The following BRD8 variants were observed in gnomAD, a reference collection of about 807,000 sequenced individuals.
The protein encoded by BRD8 is bromodomain-containing protein 8.
A neutral mutation model predicts 143.1 loss-of-function variants in BRD8; 67 were observed. The observed-to-expected ratio is 0.47, with a 90% CI of 0.38 to 0.57. BRD8 has a LOEUF of 0.57. BRD8 is among the 20% of genes least tolerant of loss of function. The pLI, the probability that BRD8 is intolerant of heterozygous loss-of-function variation, is 0.00. For synonymous variants in BRD8, 505 were observed against 517.1 expected, an observed-to-expected ratio of 0.98 and a Z score of 0.32; for missense variants, 1,103 against 1,503.0, an observed-to-expected ratio of 0.73 and a Z score of 4.40.
chr5:138,166,687 T>C lies in BRD8; in HGVS notation c.828A>G (p.Thr276=), dbSNP rs960275426. The C allele has an allele frequency of 6.2e-7, 1 of 1,613,822 alleles. No homozygotes were observed. Residue 276 remains threonine (T), a synonymous_variant, in exon 10 of 27, where the codon ACA becomes ACG. Transcript: ENST00000254900. ...TLSRLLEAGP[T]QFTTPLASFT... is the part of the protein sequence containing the mutation. Reference sequence around the variant, plus strand: ...AGGAAGCAAGAGGTGTGGTGAACTGTGTAGGACCAGCTTCTAAAAGCCGGG... The same window carrying C: ...AGGAAGCAAGAGGTGTGGTGAACTGCGTAGGACCAGCTTCTAAAAGCCGGG...
At chr5:138,152,428 T>C in intron 21 of BRD8, 54 bp downstream of exon 21, 3 of 1,594,036 alleles carry the variant, frequency 1.9e-6, no homozygotes, top group Non-Finnish European at 1.7e-6. Flanking sequence ...AGGATAAGCA[T>C]TCTCTTAGAA....
chr5:138,172,027 A>G, intron 3 of BRD8, 38 bp downstream of exon 3: 1 of 1,560,198 alleles, frequency 6.4e-7, no homozygotes, highest in Non-Finnish European at 8.8e-7. Context: ...TTTACAACCC[A>G]AAGACTGCTC....
chr5:138,159,657 C>T (rs911486197), intron 19 of BRD8, 58 bp from the exon 20 acceptor site: 2 of 1,545,252 alleles, frequency 1.3e-6, no homozygotes. Context: ...GCCACAAGCA[C>T]CCCAAACCTC....
In BRD8 at chr5:138,166,093, T is replaced by C. The variant is rs1226545320; in HGVS notation, c.1013A>G (p.Asn338Ser). The C allele has an allele frequency of 1.2e-6, 2 of 1,612,490 alleles. No individual in the cohort carries two copies. The highest frequency in any genetic ancestry group is 1.3e-5 in the African/African-American group (1 of 74,906). Reference protein sequence around the residue: ...ESVAPVSQPDNCVPMEAVGDP... With the variant: ...ESVAPVSQPDSCVPMEAVGDP... ...CCCCACAGCCTCCATGGGAACACAGTTGTCGGGTTGACTCACTGAGTAACA... is the reference window on the plus strand; with the variant it reads ...CCCCACAGCCTCCATGGGAACACAGCTGTCGGGTTGACTCACTGAGTAACA... The change falls in exon 11 of 27, where the codon AAC becomes AGC. Residue 338 changes from asparagine (N) to serine (S), a missense_variant. Transcript: ENST00000254900.
chr5:138,172,802 C>T, intron 2 of BRD8: 1 of 419,530 alleles, frequency 2.4e-6, no homozygotes, highest in Non-Finnish European at 4.7e-6. Context: ...TGCAGTGAGC[C>T]CAAATCGCGC....
Position 138,165,825 on chromosome 5 carries a change from T to C in BRD8, c.1278+3A>G. The C allele has an allele frequency of 6.2e-7, 1 of 1,612,174 alleles. No homozygotes were observed. Among genetic ancestry groups the C allele is most frequent in the East Asian group, 2.2e-5 (1 of 44,830 alleles). ...ATTCTCTGGGGCTTCGCTGAATAGTTACCTTGTCCTCAATGATGGCAATGA... is the reference window on the plus strand; with the variant it reads ...ATTCTCTGGGGCTTCGCTGAATAGTCACCTTGTCCTCAATGATGGCAATGA... On this transcript the variant is annotated splice_donor_region_variant and intron_variant, in intron 11 of 26. Coordinates refer to ENST00000254900, the MANE Select transcript of BRD8 (RefSeq NM_139199.2).
Position 138,149,805 on chromosome 5 carries a change from T to A in BRD8, c.3121-8A>T, listed in dbSNP as rs774597154. 1.9e-6 allele frequency: 3 copies of A among 1,591,908 alleles called. No homozygotes were observed. The highest frequency in any genetic ancestry group is 2.6e-6 in the Non-Finnish European group (3 of 1,173,368). On this transcript the variant is annotated splice_polypyrimidine_tract_variant and splice_region_variant and intron_variant, in intron 22 of 26. Transcript: ENST00000254900. ...TTCTTGCTGAGCCTCCCCCTAGGAATGCCAGGAAACAGGAAACTTTAGAAG... is the reference window on the plus strand; with the variant it reads ...TTCTTGCTGAGCCTCCCCCTAGGAAAGCCAGGAAACAGGAAACTTTAGAAG...
chr5:138,177,761 A>G, intron 1 of BRD8, 94 bp from the exon 2 acceptor site: 1 of 691,720 alleles, frequency 1.4e-6, no homozygotes, highest in Non-Finnish European at 2.5e-6. Flanking sequence ...CTAAAAGCCT[A>G]ATACAAAACA....
At chr5:138,161,094 A>G (rs1226013836) in intron 17 of BRD8, 26 bp from the exon 18 acceptor site, 10 of 1,581,884 alleles carry the variant, frequency 6.3e-6, no homozygotes, top group Non-Finnish European at 8.6e-6. Context: ...AGGGGTAAGT[A>G]GCAGTGGGGA....
At chr5:138,166,790 C>CTTCT in intron 9 of BRD8, 63 bp from the exon 10 acceptor site, 2 of 986,876 alleles carry the variant, frequency 2.0e-6, no homozygotes, top group Non-Finnish European at 3.2e-6. Context: ...GAAGCAATAG[C>CTTCT]TACTTGAAGA....
intron 25 of BRD8, among the ~76,000 whole-genome samples, chr5:138,144,448 C>T (rs936481726): frequency 3.9e-5 from 6 of 152,208 alleles, no homozygotes; most frequent in Non-Finnish European, 8.8e-5. Flanking sequence ...GGAACCAATT[C>T]CGGACACAAT....
intron 12 of BRD8, 113 bp from the exon 13 acceptor site, chr5:138,164,526 G>A (rs984429371): frequency 1.9e-5 from 23 of 1,194,402 alleles, no homozygotes; most frequent in Non-Finnish European, 2.3e-5. Flanking sequence ...TCCTACTCAT[G>A]TAATGTGACT....
intron 20 of BRD8, chr5:138,156,824 A>G: frequency 1.0e-6 from 1 of 962,662 alleles, no homozygotes; most frequent in Non-Finnish European, 1.2e-6. Context: ...CAAGTTTCAA[A>G]TACACACACA....
rs963005246 is a variant in BRD8, at chr5:138,145,768, A to G, written c.3368+21T>C. On this transcript the variant is annotated intron_variant, in intron 24 of 26. Coordinates refer to ENST00000254900, the MANE Select transcript of BRD8 (RefSeq NM_139199.2). Reference sequence around the variant, plus strand: ...CTGCTTCAGCTCTGAACATAATCCTATTACCACTTTGGAGACCTACCTGTG... The same window carrying G: ...CTGCTTCAGCTCTGAACATAATCCTGTTACCACTTTGGAGACCTACCTGTG... 1.1e-5 allele frequency: 17 copies of G among 1,598,002 alleles called. No homozygotes were observed. In the African/African-American group the frequency reaches 1.1e-4, roughly 10 times the overall value.
intron 20 of BRD8, among the ~76,000 whole-genome samples, chr5:138,156,589 T>A (rs1487498275): frequency 6.6e-6 from 1 of 152,156 alleles, no homozygotes; most frequent in African/African-American, 2.4e-5. Context: ...TGCTCTAATC[T>A]TCTTTAAGCA....
At position 138,155,450 on chromosome 5, in the gene BRD8, T is replaced by TA. The variant is rs1174770111; in HGVS notation, c.2578-2691dup. On this transcript the variant is annotated intron_variant, in intron 20 of 26. Transcript: ENST00000254900. ...GGCAACGAGAGTGAAACTCCGAATT[T>TA]AAAAAAAAAAAAAAAGTTTAGTTGG... Among the ~76,000 whole-genome samples, 832 of 131,536 alleles carry TA rather than the reference T, an allele frequency of 6.3e-3. 9 individuals carry two copies. Among genetic ancestry groups the TA allele is most frequent in the Middle Eastern group, 0.027 (7 of 260 alleles). 86.3% of individuals were successfully genotyped at this position (131,536 alleles called of 152,430 possible). A position where few individuals can be genotyped will look rare whatever the true frequency, so the allele number is the denominator to read the frequency against.
chr5:138,157,026 T>A (rs1307489346), intron 20 of BRD8: 1 of 1,446,086 alleles, frequency 6.9e-7, no homozygotes, highest in Non-Finnish European at 9.1e-7. Context: ...GCCCATGGTT[T>A]CTGCCCTAAA....
At position 138,139,861 on chromosome 5, in the gene BRD8, G is replaced by T; in HGVS notation, c.*213C>A. The T allele has an allele frequency of 1.9e-6, 1 of 532,590 alleles. No homozygotes were observed. Among genetic ancestry groups the T allele is most frequent in the Non-Finnish European group, 3.3e-6 (1 of 301,468 alleles). The allele number at this position is 532,590 out of a possible 1,614,324, so 33.0% of individuals were successfully genotyped here. ...ATCAAGCCGATGGAACAAAGATGTGGGCAACATTTATGGCATAAATCCAAA... is the reference window on the plus strand; with the variant it reads ...ATCAAGCCGATGGAACAAAGATGTGTGCAACATTTATGGCATAAATCCAAA... On this transcript the variant is annotated 3_prime_UTR_variant, in exon 27 of 27. Transcript: ENST00000254900.
At chr5:138,160,859 C>T (rs780294026) in intron 18 of BRD8, 32 bp downstream of exon 18, 1 of 1,529,258 alleles carries the variant, frequency 6.5e-7, no homozygotes, top group East Asian at 2.4e-5. Context: ...TTAATTTCAT[C>T]CTTGCTGAAA....
Sources: allele counts gnomAD v4.1 joint callset (sites outside exome capture counted in the v4.1 genomes callset), GRCh38; gene constraint gnomAD v4.1.1; transcripts MANE v1.5; gene names NCBI Gene and HGNC (gene_info 2026-07-23, HGNC 2026-07-21).